Variants in NFAT5 observed in about 807,000 individuals in gnomAD.
The protein encoded by NFAT5 is nuclear factor of activated T-cells 5.
A neutral mutation model predicts 166.5 loss-of-function variants in NFAT5; 31 were observed. That is an observed-to-expected ratio of 0.19 (90% confidence interval 0.14 to 0.25). NFAT5 has a LOEUF of 0.25. Among genes scored for constraint, NFAT5 ranks in the 10% least tolerant of loss-of-function variants. NFAT5 has a pLI of 1.00. For missense variants in NFAT5, 1,449 were observed against 1,821.8 expected (o/e 0.80, Z 3.72); for synonymous variants, 612 against 639.7 (o/e 0.96, Z 0.65).
At position 69,699,836 on chromosome 16, in the gene NFAT5, CTGTGTGTG is replaced by C. The variant is rs887106737; in HGVS notation, c.*3493_*3500del. 3.4e-5 allele frequency: 5 copies of C among 148,064 alleles called. No homozygotes were observed. The highest frequency in any genetic ancestry group is 7.5e-5 in the Non-Finnish European group (5 of 67,086). 9.2% of individuals were successfully genotyped at this position (148,064 alleles called of 1,614,324 possible). On this transcript the variant is annotated 3_prime_UTR_variant, in exon 15 of 15. Coordinates refer to ENST00000349945, the MANE Select transcript of NFAT5 (RefSeq NM_138713.4). ...TCTTTCTCTCTCTCTCTCTCTCTCT[CTGTGTGTG>C]TGTGTGTATGTGTGTGTGTGTGTGT...
At chr16:69,670,887 A>T (rs901957405) in intron 9 of NFAT5, among the ~76,000 whole-genome samples, 1 of 152,228 alleles carries the variant, frequency 6.6e-6, no homozygotes, top group African/African-American at 2.4e-5. Context: ...TAGTATGTAC[A>T]GGTGTAGAAC....
At chr16:69,587,210 T>G (rs1310747581) in intron 2 of NFAT5, among the ~76,000 whole-genome samples, 1 of 150,220 alleles carries the variant, frequency 6.7e-6, no homozygotes, top group Non-Finnish European at 1.5e-5. Context: ...GCCTCCTGAG[T>G]AGCTGGAATT....
Position 69,566,972 on chromosome 16 carries a change from C to T in NFAT5, c.73+598C>T, listed in dbSNP as rs1421203415. On this transcript the variant is annotated intron_variant, in intron 1 of 14. Transcript: ENST00000349945. This position sits in a 1 kb window ranked among gnomAD's most constrained non-coding sequence, Gnocchi z 5.7. The stretch of plus-strand genomic sequence containing the variant: ...CTCGACCAGGCGTTCTTCCTTTCCT[C>T]GTCATCTTCTTGCTGGAAAGGGCCC... Among the ~76,000 whole-genome samples, 2 of 152,140 alleles carry T rather than the reference C, an allele frequency of 1.3e-5. No homozygotes were observed. The highest frequency in any genetic ancestry group is 2.9e-5 in the Non-Finnish European group (2 of 68,020).
chr16:69,575,274 T>A (rs781105834), intron 2 of NFAT5, among the ~76,000 whole-genome samples: 3 of 152,028 alleles, frequency 2.0e-5, no homozygotes, highest in Admixed American at 6.6e-5. Flanking sequence ...TTCAAGCAAT[T>A]CTCCTGCCTC....
intron 2 of NFAT5, among the ~76,000 whole-genome samples, chr16:69,574,762 A>G (rs1458139653): frequency 6.6e-6 from 1 of 151,582 alleles, no homozygotes; most frequent in Non-Finnish European, 1.5e-5. Flanking sequence ...TCTGTCACCC[A>G]GGTTCAAGCA....
chr16:69,572,042 G>A (rs927099669), intron 2 of NFAT5, among the ~76,000 whole-genome samples: 1 of 152,114 alleles, frequency 6.6e-6, no homozygotes, highest in South Asian at 2.1e-4. Flanking sequence ...GATTACAGGC[G>A]TGAGCCACCG....
At chr16:69,670,402 T>G (rs1230022496) in intron 9 of NFAT5, 114 bp downstream of exon 9, 11 of 641,310 alleles carry the variant, frequency 1.7e-5, no homozygotes, top group Non-Finnish European at 2.9e-5. Flanking sequence ...GGGATTGATA[T>G]GAATTATTTA....
chr16:69,678,000 A>C lies in NFAT5; in HGVS notation c.1690+665A>C, dbSNP rs530524765. Among the ~76,000 whole-genome samples, 3 of 149,814 alleles carry C rather than the reference A, an allele frequency of 2.0e-5. No individual in the cohort carries two copies. The South Asian group carries it at 6.4e-4, about 32-fold the overall frequency. On this transcript the variant is annotated intron_variant, in intron 10 of 14. Coordinates refer to ENST00000349945, the MANE Select transcript of NFAT5 (RefSeq NM_138713.4). ...AAACCTTGTCTCTACTAAAAATACAAAAAAAAAATTAGCTGGGTGTGGTGA... is the reference window on the plus strand; with the variant it reads ...AAACCTTGTCTCTACTAAAAATACACAAAAAAAATTAGCTGGGTGTGGTGA...
intron 2 of NFAT5, among the ~76,000 whole-genome samples, chr16:69,620,124 T>C (rs966680596): frequency 2.0e-5 from 3 of 152,270 alleles, no homozygotes; most frequent in African/African-American, 4.8e-5. Flanking sequence ...ATTTTCAATA[T>C]CTGAAAATGT....
chr16:69,685,017 T>C, intron 11 of NFAT5, 47 bp downstream of exon 11: 1 of 1,307,626 alleles, frequency 7.6e-7, no homozygotes. Context: ...TGCTCCTGTA[T>C]GTTTTCTCTA....
intron 2 of NFAT5, among the ~76,000 whole-genome samples, chr16:69,622,880 T>C (rs928790812): frequency 8.6e-5 from 13 of 150,564 alleles, no homozygotes; most frequent in Non-Finnish European, 1.6e-4. Flanking sequence ...GTGTGGTGGC[T>C]CACGCCTGTA....
intron 7 of NFAT5, among the ~76,000 whole-genome samples, chr16:69,664,999 C>T (rs1000449334): frequency 1.1e-4 from 17 of 152,074 alleles, no homozygotes; most frequent in Non-Finnish European, 2.4e-4. Context: ...TGCACTCCAG[C>T]CTGGGCAACA....
chr16:69,686,951 C>G (rs1450847265), intron 11 of NFAT5, among the ~76,000 whole-genome samples: 2 of 152,096 alleles, frequency 1.3e-5, no homozygotes, highest in Non-Finnish European at 2.9e-5. Flanking sequence ...TGCATTGACA[C>G]CAGCTTGATG....
At chr16:69,570,311 G>GTT (rs1567507251) in intron 2 of NFAT5, among the ~76,000 whole-genome samples, 2 of 152,010 alleles carry the variant, frequency 1.3e-5, no homozygotes, top group Non-Finnish European at 2.9e-5. Flanking sequence ...GTTTGCTTCT[G>GTT]TAATGAAGTG....
At chr16:69,678,194 A>G (rs147957967) in intron 10 of NFAT5, among the ~76,000 whole-genome samples, 1 of 129,090 alleles carries the variant, frequency 7.7e-6, no homozygotes, top group African/African-American at 3.3e-5. Context: ...TATTTTAGAA[A>G]TGAGAGGAAC....
At chr16:69,648,250 A>C (rs1289173454) in intron 4 of NFAT5, 10 of 984,892 alleles carry the variant, frequency 1.0e-5, no homozygotes, top group Non-Finnish European at 1.2e-5. Context: ...CAACTCAAAC[A>C]GTCACTAAGA....
chr16:69,625,066 AT>A (rs1196124622), intron 2 of NFAT5, among the ~76,000 whole-genome samples: 1 of 151,748 alleles, frequency 6.6e-6, no homozygotes, highest in Admixed American at 6.6e-5. Flanking sequence ...TGCCCAGCTA[AT>A]TTTTTGTATT....
rs143742689 is a variant in NFAT5, at chr16:69,597,544, G to T, written c.128-28859G>T. The stretch of plus-strand genomic sequence containing the variant: ...GATTTCTTTACTCTCGCTTGTTGAG[G>T]TTAATTTTGCTCTAAAGAATTCTAA... On this transcript the variant is annotated intron_variant, in intron 2 of 14. Coordinates refer to ENST00000349945, the MANE Select transcript of NFAT5 (RefSeq NM_138713.4). 2.3e-3 allele frequency among the ~76,000 whole-genome samples: 339 copies of T among 150,538 alleles called. 2 individuals carry two copies. Among genetic ancestry groups the T allele is most frequent in the South Asian group, 5.9e-3 (28 of 4,776 alleles).
intron 11 of NFAT5, among the ~76,000 whole-genome samples, chr16:69,690,158 G>C (rs944534676): frequency 2.6e-5 from 4 of 152,158 alleles, no homozygotes; most frequent in Non-Finnish European, 5.9e-5. Context: ...AAGGGGGAAA[G>C]GTAGATATAG....
Sources: allele counts gnomAD v4.1 joint callset (sites outside exome capture counted in the v4.1 genomes callset), GRCh38; gene constraint gnomAD v4.1.1; non-coding constraint Gnocchi (gnomAD v3.1); transcripts MANE v1.5; gene names NCBI Gene and HGNC (gene_info 2026-07-23, HGNC 2026-07-21).